FAF1: variants seen among roughly 807,000 people sequenced by gnomAD.
FAF1 encodes Fas associated factor 1.
In FAF1, 25 loss-of-function variants were observed where a neutral mutation model predicts 92.5. The observed-to-expected ratio is 0.27, with a 90% CI of 0.20 to 0.38. The LOEUF (loss-of-function observed/expected upper bound fraction) is 0.38. Among genes scored for constraint, FAF1 ranks in the 10% least tolerant of loss-of-function variants. FAF1 has a pLI of 1.00. For synonymous variants in FAF1, 234 were observed against 273.2 expected (o/e 0.86, Z 1.42); for missense variants, 636 against 793.3 (o/e 0.80, Z 2.38).
At chr1:50,932,350 G>A (rs1645054809) in intron 1 of FAF1, among the ~76,000 whole-genome samples, 2 of 152,172 alleles carry the variant, frequency 1.3e-5, no homozygotes, top group Admixed American at 6.5e-5. Flanking sequence ...TAAAATGAGG[G>A]TACAGGTATT....
chr1:50,645,769 G>A (rs542397972), intron 8 of FAF1, among the ~76,000 whole-genome samples: 44 of 152,024 alleles, frequency 2.9e-4, no homozygotes, highest in African/African-American at 9.6e-4. Flanking sequence ...CGGAGGTTGC[G>A]GTGAGCTGAG....
intron 4 of FAF1, among the ~76,000 whole-genome samples, chr1:50,782,366 G>A (rs1661208947): frequency 6.6e-6 from 1 of 151,732 alleles, no homozygotes; most frequent in African/African-American, 2.4e-5. Flanking sequence ...GGTAGGCCTA[G>A]GTAATGTGTG....
At chr1:50,664,620 C>T (rs1655540004) in intron 7 of FAF1, among the ~76,000 whole-genome samples, 1 of 152,020 alleles carries the variant, frequency 6.6e-6, no homozygotes, top group African/African-American at 2.4e-5. Flanking sequence ...GAAAACCTGT[C>T]TCTACTAAAA....
chr1:50,840,954 GTAC>G (rs748683363), intron 2 of FAF1, among the ~76,000 whole-genome samples: 22 of 151,930 alleles, frequency 1.4e-4, no homozygotes, highest in Admixed American at 5.2e-4. Context: ...GTTAAGACTG[GTAC>G]TGATGCCACA....
At chr1:50,895,120 T>C (rs559703085) in intron 1 of FAF1, among the ~76,000 whole-genome samples, 3 of 150,648 alleles carry the variant, frequency 2.0e-5, no homozygotes, top group Non-Finnish European at 4.4e-5. Flanking sequence ...GAAAAAAAAA[T>C]TGACAAATCT....
intron 4 of FAF1, among the ~76,000 whole-genome samples, chr1:50,779,129 T>A (rs1313733793): frequency 6.6e-6 from 1 of 152,236 alleles, no homozygotes; most frequent in Non-Finnish European, 1.5e-5. Flanking sequence ...CCAAGTTTTA[T>A]GAGACTGCAG....
intron 12 of FAF1, among the ~76,000 whole-genome samples, chr1:50,577,400 C>T (rs1013804624): frequency 6.6e-6 from 1 of 152,152 alleles, no homozygotes; most frequent in South Asian, 2.1e-4. Context: ...TGGCACGCAC[C>T]TGTAGTCCCA....
At chr1:50,855,744 CT>C (rs1017839501) in intron 2 of FAF1, among the ~76,000 whole-genome samples, 5 of 151,770 alleles carry the variant, frequency 3.3e-5, no homozygotes, top group Admixed American at 1.3e-4. Flanking sequence ...CACAATAAAT[CT>C]TTACTGTGAA....
At chr1:50,958,548 G>A (rs1219199167) in intron 1 of FAF1, among the ~76,000 whole-genome samples, 6 of 151,966 alleles carry the variant, frequency 3.9e-5, no homozygotes, top group Admixed American at 1.3e-4. Flanking sequence ...CGTGGTGGCC[G>A]GCGCCTGTAG....
chr1:50,640,930 T>C (rs1041244642), intron 8 of FAF1, among the ~76,000 whole-genome samples: 3 of 137,068 alleles, frequency 2.2e-5, no homozygotes, highest in African/African-American at 8.2e-5. Context: ...GCCTCTGGGG[T>C]TCAAGCAATT....
chr1:50,803,389 C>CA (rs1468161950), intron 2 of FAF1, among the ~76,000 whole-genome samples: 1 of 152,110 alleles, frequency 6.6e-6, no homozygotes, highest in Admixed American at 6.6e-5. Flanking sequence ...CAGGCTCTCC[C>CA]ATTTATTAAT....
intron 18 of FAF1, among the ~76,000 whole-genome samples, chr1:50,458,550 G>A (rs1382828639): frequency 2.0e-5 from 3 of 152,094 alleles, no homozygotes; most frequent in Non-Finnish European, 4.4e-5. Context: ...AATTTTTAAG[G>A]CTCTGAATTC....
chr1:50,536,476 C>T (rs370628357), intron 14 of FAF1, among the ~76,000 whole-genome samples: 13 of 152,162 alleles, frequency 8.5e-5, no homozygotes, highest in African/African-American at 3.1e-4. Context: ...AACATTCTTG[C>T]TGGCATTTTT....
At chr1:50,661,606 C>G (rs1162880844) in intron 7 of FAF1, among the ~76,000 whole-genome samples, 1 of 152,170 alleles carries the variant, frequency 6.6e-6, no homozygotes, top group African/African-American at 2.4e-5. Context: ...TTAAATATAT[C>G]AAACTTAAGC....
At chr1:50,801,007 T>C (rs1323610502) in intron 3 of FAF1, among the ~76,000 whole-genome samples, 1 of 152,222 alleles carries the variant, frequency 6.6e-6, no homozygotes, top group Non-Finnish European at 1.5e-5. Flanking sequence ...GAGACAAAAG[T>C]TATGAATTTA....
intron 1 of FAF1, among the ~76,000 whole-genome samples, chr1:50,947,056 G>C (rs1026606580): frequency 2.0e-5 from 3 of 152,216 alleles, no homozygotes; most frequent in African/African-American, 7.2e-5. Flanking sequence ...GTAAAGATTA[G>C]ATGTTAAGAG....
intron 12 of FAF1, among the ~76,000 whole-genome samples, chr1:50,571,635 T>C (rs1039933781): frequency 2.0e-5 from 3 of 152,192 alleles, no homozygotes; most frequent in Non-Finnish European, 4.4e-5. Flanking sequence ...GGGATGCTTA[T>C]TGTGTCTCTG....
At chr1:50,714,385 C>T (rs1422585440) in intron 6 of FAF1, among the ~76,000 whole-genome samples, 5 of 151,488 alleles carry the variant, frequency 3.3e-5, no homozygotes, top group Admixed American at 1.3e-4. Context: ...TGGTGGCGGC[C>T]GCCTGTAATC....
intron 1 of FAF1, among the ~76,000 whole-genome samples, chr1:50,890,918 T>C (rs1570107167): frequency 1.3e-5 from 2 of 152,328 alleles, no homozygotes; most frequent in East Asian, 3.9e-4. Flanking sequence ...CCTTGCTAGA[T>C]TGGGGAAGTT....
Sources: allele counts gnomAD v4.1 joint callset (sites outside exome capture counted in the v4.1 genomes callset), GRCh38; gene constraint gnomAD v4.1.1; transcripts MANE v1.5; gene names NCBI Gene and HGNC (gene_info 2026-07-23, HGNC 2026-07-21).